POM121: variants seen among roughly 807,000 people sequenced by gnomAD.
The protein encoded by POM121 is nuclear envelope pore membrane protein POM 121.
Under a neutral mutation model 81.3 loss-of-function variants are expected in POM121, and 32 were observed. The ratio of observed to expected loss-of-function variants is 0.39; its 90% confidence interval spans 0.30 to 0.53. The LOEUF is 0.53. Among genes scored for constraint, POM121 ranks in the 20% least tolerant of loss-of-function variants. The pLI is 0.66. For synonymous variants in POM121, 514 were observed against 694.2 expected (o/e 0.74, Z 4.08); for missense variants, 1,138 against 1,614.6 (o/e 0.70, Z 5.06).
intron 3 of POM121, among the ~76,000 whole-genome samples, chr7:72,901,143 G>A (rs1364390378): frequency 6.6e-6 from 1 of 151,462 alleles, no homozygotes; most frequent in African/African-American, 2.4e-5. Flanking sequence ...GCGCCACCAT[G>A]CCCTGCTGAC....
In POM121 at chr7:72,945,700, C is replaced by G. The variant is rs3177261; in HGVS notation, c.3644C>G (p.Ala1215Gly). 101 of 1,609,704 alleles carry G rather than the reference C, an allele frequency of 6.3e-5. 1 individual carries two copies. The South Asian group carries it at 8.2e-4, about 13-fold the overall frequency. ...CCCGCCCAAGGCTTTGTTGGTGTTG[C>G]ACCTTTCGGTAAGCAGCAAGCCACC... The part of the protein sequence containing the change: ...SAPAQGFVGV[A>G]PFGSAALSFS... Residue 1215 changes from alanine to glycine, a missense_variant, in exon 12 of 13, where the codon GCA (alanine) becomes GGA (glycine). By Grantham distance (60) the Ala-to-Gly change is moderately conservative. Transcript: ENST00000434423.
At chr7:72,883,650 A>G (rs538019680) in intron 1 of POM121, among the ~76,000 whole-genome samples, 60 of 151,724 alleles carry the variant, frequency 4.0e-4, no homozygotes, top group Non-Finnish European at 8.1e-4. Context: ...TTTTTTAAAA[A>G]TATCTTGTAT....
At chr7:72,884,579 A>G (rs1790520247) in intron 1 of POM121, among the ~76,000 whole-genome samples, 1 of 142,926 alleles carries the variant, frequency 7.0e-6, no homozygotes, top group South Asian at 2.2e-4. Context: ...ATATATACAT[A>G]TATTTGATAG....
At chr7:72,893,896 C>T (rs1298331727) in intron 3 of POM121, among the ~76,000 whole-genome samples, 4 of 152,116 alleles carry the variant, frequency 2.6e-5, no homozygotes, top group Admixed American at 6.6e-5. Flanking sequence ...CTGCTCAACT[C>T]GGCGCCGTGT....
intron 4 of POM121, among the ~76,000 whole-genome samples, chr7:72,918,209 G>T (rs545836118): frequency 6.6e-6 from 1 of 152,294 alleles, no homozygotes; most frequent in South Asian, 2.1e-4. Flanking sequence ...TCCACAAGAG[G>T]TGGAGGAGCA....
chr7:72,917,756 A>G (rs1258354672), intron 4 of POM121, among the ~76,000 whole-genome samples: 3 of 152,190 alleles, frequency 2.0e-5, no homozygotes, highest in Admixed American at 2.0e-4. Flanking sequence ...AAGACACAAG[A>G]CAAAGAGATA....
intron 1 of POM121, among the ~76,000 whole-genome samples, chr7:72,890,231 C>T (rs1287934872): frequency 6.6e-6 from 1 of 152,216 alleles, no homozygotes; most frequent in Admixed American, 6.5e-5. Flanking sequence ...GTGGTGGGCA[C>T]TCCAACATGA....
At chr7:72,948,996 A>C, downstream of POM121, 1 of 1,611,136 alleles carries the variant, frequency 6.2e-7, no homozygotes, top group Non-Finnish European at 8.5e-7. Context: ...GGGAAGGGAA[A>C]GTGAGCGCGT....
chr7:72,917,810 G>A (rs186112813), intron 4 of POM121, among the ~76,000 whole-genome samples: 5 of 152,314 alleles, frequency 3.3e-5, no homozygotes, highest in South Asian at 2.1e-4. Flanking sequence ...CCACCAATGC[G>A]CAGAGACCGG....
At chr7:72,950,139 C>T (rs374211716), downstream of POM121, 41 of 1,603,922 alleles carry the variant, frequency 2.6e-5, no homozygotes, top group Admixed American at 3.4e-5. Context: ...CCAGCAGCTC[C>T]GGCATCAAGG....
chr7:72,906,971 T>C (rs1350679652), intron 3 of POM121, among the ~76,000 whole-genome samples: 1 of 152,110 alleles, frequency 6.6e-6, no homozygotes, highest in African/African-American at 2.4e-5. Flanking sequence ...ACCTTTTTGA[T>C]TGCTGTGTTT....
intron 3 of POM121, among the ~76,000 whole-genome samples, chr7:72,898,481 A>G (rs1792194633): frequency 6.6e-6 from 1 of 152,104 alleles, no homozygotes; most frequent in Non-Finnish European, 1.5e-5. Flanking sequence ...GAGTTTAGGG[A>G]TGAGATTGAG....
At chr7:72,949,299 T>C, downstream of POM121, 1 of 819,738 alleles carries the variant, frequency 1.2e-6, no homozygotes, top group South Asian at 1.3e-5. Context: ...AGCCACGCCT[T>C]CTCACCATCT....
intron 4 of POM121, among the ~76,000 whole-genome samples, chr7:72,918,180 C>T (rs1308390935): frequency 2.6e-5 from 4 of 152,146 alleles, no homozygotes; most frequent in Admixed American, 6.5e-5. Context: ...TGCGGGCAAG[C>T]CTGACTGATG....
intron 5 of POM121, among the ~76,000 whole-genome samples, chr7:72,938,194 GTCTT>G (rs1417967689): frequency 6.6e-6 from 1 of 150,476 alleles, no homozygotes; most frequent in Non-Finnish European, 1.5e-5. Context: ...CTTTTCAGGG[GTCTT>G]TCTTCACAAA....
chr7:72,939,449 T>C, intron 7 of POM121, 40 bp downstream of exon 7: 1 of 1,611,720 alleles, frequency 6.2e-7, no homozygotes, highest in Middle Eastern at 1.7e-4. Context: ...CTGTTGGTGG[T>C]GGAGGTGTTT....
Position 72,926,279 on chromosome 7 carries a change from C to G in POM121, c.662C>G (p.Pro221Arg). 1 of 1,563,496 alleles carries G rather than the reference C, an allele frequency of 6.4e-7. No homozygotes were observed. Among genetic ancestry groups the G allele is most frequent in the Non-Finnish European group, 8.7e-7 (1 of 1,153,298 alleles). Residue 221 changes from proline to arginine, a missense_variant, in exon 2 of 13, where the codon CCA becomes CGA. Coordinates refer to ENST00000434423, the MANE Select transcript of POM121 (RefSeq NM_001387691.1). ...RPSPRDCGTL[P>R]NRFVITPRRR... Reference sequence around the variant, plus strand: ...CTCTGCAGGGATTGTGGGACTTTACCAAATCGGTTTGTAATAACACCTAGA... The same window carrying G: ...CTCTGCAGGGATTGTGGGACTTTACGAAATCGGTTTGTAATAACACCTAGA...
intron 3 of POM121, among the ~76,000 whole-genome samples, chr7:72,896,821 A>AT (rs1388763495): frequency 6.6e-6 from 1 of 152,276 alleles, no homozygotes. Context: ...TGTACTGATC[A>AT]TTAACTATTT....
At chr7:72,912,387 G>A (rs1224984621) in intron 3 of POM121, among the ~76,000 whole-genome samples, 3 of 152,196 alleles carry the variant, frequency 2.0e-5, no homozygotes, top group East Asian at 3.8e-4. Flanking sequence ...AAAGAGACAC[G>A]GGAGAGAGGG....
Sources: gnomAD v4.1 joint callset for allele counts (sites outside exome capture counted in the v4.1 genomes callset) on GRCh38, gnomAD v4.1.1 for gene constraint, MANE v1.5 for transcripts, NCBI Gene and HGNC (gene_info 2026-07-23, HGNC 2026-07-21) for gene names.